CDK7: variants seen among roughly 807,000 people sequenced by gnomAD.
CDK7 encodes cyclin-dependent kinase 7.
CDK7 carries 25 observed loss-of-function variants against 49.1 expected under a neutral mutation model. That is an observed-to-expected ratio of 0.51 (90% CI 0.37 to 0.71). CDK7 has a LOEUF of 0.71. Among genes scored for constraint, CDK7 ranks in the 30% least tolerant of loss-of-function variants. The pLI, the probability that CDK7 is intolerant of heterozygous loss-of-function variation, is 0.00. For synonymous variants in CDK7, 107 were observed against 140.0 expected (o/e 0.76, Z 1.67); for missense variants, 316 against 411.7 (o/e 0.77, Z 2.01).
chr5:69,259,482 ATATT>A (rs1322445235), intron 6 of CDK7, among the ~76,000 whole-genome samples: 1 of 152,158 alleles, frequency 6.6e-6, no homozygotes. Context: ...ATGAAAGTTC[ATATT>A]TATTATTAAT....
intron 8 of CDK7, among the ~76,000 whole-genome samples, chr5:69,266,509 G>A (rs1416535496): frequency 6.6e-6 from 1 of 152,270 alleles, no homozygotes; most frequent in Non-Finnish European, 1.5e-5. Flanking sequence ...AAACCCACAA[G>A]GCAGAGGTTG....
At chr5:69,248,644 TC>T (rs1749915123) in intron 2 of CDK7, among the ~76,000 whole-genome samples, 1 of 152,100 alleles carries the variant, frequency 6.6e-6, no homozygotes, top group Admixed American at 6.6e-5. Flanking sequence ...CTCCTCGGCC[TC>T]CCAAAGTGCT....
At chr5:69,243,048 A>G (rs1426404808) in intron 2 of CDK7, among the ~76,000 whole-genome samples, 2 of 150,454 alleles carry the variant, frequency 1.3e-5, no homozygotes, top group Non-Finnish European at 3.0e-5. Context: ...CTGTGTCTCA[A>G]AAAAAAAGCA....
At chr5:69,273,147 A>G in intron 10 of CDK7, 106 bp downstream of exon 10, 1 of 801,768 alleles carries the variant, frequency 1.2e-6, no homozygotes, top group Non-Finnish European at 1.9e-6. Flanking sequence ...AATACTGGAA[A>G]GATGTGTTTT....
At chr5:69,255,329 C>T in intron 4 of CDK7, 131 bp from the exon 5 acceptor site, 2 of 541,072 alleles carry the variant, frequency 3.7e-6, no homozygotes, top group South Asian at 3.2e-5. Flanking sequence ...CAAATTTAAT[C>T]AAATGATTTA....
intron 5 of CDK7, chr5:69,255,870 C>T (rs1750454674): frequency 1.2e-5 from 3 of 250,830 alleles, no homozygotes; most frequent in Non-Finnish European, 2.4e-5. Context: ...TTCACCCAGC[C>T]TGGAGTGCAA....
intron 7 of CDK7, among the ~76,000 whole-genome samples, chr5:69,261,144 G>A (rs938789813): frequency 6.6e-6 from 1 of 152,048 alleles, no homozygotes; most frequent in Non-Finnish European, 1.5e-5. Context: ...AAATTATTTT[G>A]CCACCTTCTT....
At chr5:69,235,677 T>C (rs2972387) in intron 2 of CDK7, among the ~76,000 whole-genome samples, 91,598 of 152,088 alleles carry the variant, frequency 0.6, 28,109 homozygotes, top group African/African-American at 0.72. Flanking sequence ...ATGTTATTTT[T>C]ACTGCATAAA....
In CDK7 at chr5:69,252,455, A is replaced by G. The variant is rs770990072; in HGVS notation, c.160+4A>G. The G allele has an allele frequency of 2.7e-6, 4 of 1,455,976 alleles. No individual in the cohort carries two copies. The African/African-American group carries it at 4.4e-5, about 16-fold the overall frequency. The allele number at this position is 1,455,976 out of a possible 1,614,324, so 90.2% of individuals were successfully genotyped here. On this transcript the variant is annotated splice_donor_region_variant and intron_variant, in intron 3 of 11. Transcript: ENST00000256443. ...CATAGATCAGAAGCTAAAGATGGTA[A>G]GTATTTCATGTAATCTGACAGATAG... is the stretch of plus-strand genomic sequence containing the variant.
At chr5:69,268,264 T>A (rs1751291872) in intron 8 of CDK7, among the ~76,000 whole-genome samples, 1 of 152,172 alleles carries the variant, frequency 6.6e-6, no homozygotes, top group Admixed American at 6.6e-5. Flanking sequence ...CACCGAATTG[T>A]AAATGCTTGT....
chr5:69,261,061 T>C (rs548782429), intron 7 of CDK7, among the ~76,000 whole-genome samples: 39 of 152,208 alleles, frequency 2.6e-4, no homozygotes, highest in African/African-American at 8.9e-4. Context: ...CAAGCGATCC[T>C]CCCACCTCAG....
intron 2 of CDK7, among the ~76,000 whole-genome samples, chr5:69,239,168 C>T (rs974735104): frequency 2.0e-5 from 3 of 152,080 alleles, no homozygotes; most frequent in Admixed American, 6.6e-5. Flanking sequence ...ATCAGCTTTA[C>T]CAGATATGGT....
chr5:69,248,836 T>C (rs75624209), intron 2 of CDK7, among the ~76,000 whole-genome samples: 4,340 of 144,896 alleles, frequency 0.03, 287 homozygotes, highest in African/African-American at 0.11. Flanking sequence ...GGAGTCTTGT[T>C]TTTCTTGCCC....
chr5:69,252,396 G>A (rs1750198999), intron 2 of CDK7, 22 bp from the exon 3 acceptor site: 1 of 1,437,018 alleles, frequency 7.0e-7, no homozygotes, highest in Admixed American at 2.0e-5. Flanking sequence ...AATATATTTG[G>A]GTTTTTTTCC....
chr5:69,264,840 C>T (rs992713097), intron 8 of CDK7, among the ~76,000 whole-genome samples: 2 of 152,024 alleles, frequency 1.3e-5, no homozygotes, highest in Admixed American at 1.3e-4. Context: ...TTTGGTGGCA[C>T]ATGCCTGTAA....
At chr5:69,249,072 C>G (rs2150196694) in intron 2 of CDK7, among the ~76,000 whole-genome samples, 1 of 152,034 alleles carries the variant, frequency 6.6e-6, no homozygotes, top group African/African-American at 2.4e-5. Context: ...TTGCCTCTCT[C>G]TCTCTACCTC....
chr5:69,262,145 G>A (rs915469333), intron 7 of CDK7, 60 bp from the exon 8 acceptor site: 23 of 1,607,060 alleles, frequency 1.4e-5, no homozygotes, highest in Non-Finnish European at 1.8e-5. Context: ...TTCATCCCTA[G>A]AGATAGAAGT....
At position 69,277,330 on chromosome 5, in the gene CDK7, A is replaced by C; in HGVS notation, c.*195A>C. ...ATTTAATTCTGGTTTTTCTGATTAG[A>C]GTGCAAAAGTGAGAAAAGTTCAATA... On this transcript the variant is annotated 3_prime_UTR_variant, in exon 12 of 12. Transcript: ENST00000256443. The C allele has an allele frequency of 2.3e-6, 1 of 432,056 alleles. No individual in the cohort carries two copies. The highest frequency in any genetic ancestry group is 7.8e-5 in the South Asian group (1 of 12,890). The allele number at this position is 432,056 out of a possible 1,614,324, so 26.8% of individuals were successfully genotyped here. A position where few individuals can be genotyped will look rare whatever the true frequency, so the allele number is the denominator to read the frequency against.
chr5:69,234,938 TCGCC>T lies in CDK7; in HGVS notation c.-36_-33del. On this transcript the variant is annotated 5_prime_UTR_variant, in exon 1 of 12. Transcript: ENST00000256443. ...TTTAAATTCGTGTTGTCCTGGGAGC[TCGCC>T]CTTTTCGGCTGGAGTCGGGCTTTAC... 1 of 1,565,204 alleles carries T rather than the reference TCGCC, an allele frequency of 6.4e-7. No individual in the cohort carries two copies. Among genetic ancestry groups the T allele is most frequent in the Non-Finnish European group, 8.7e-7 (1 of 1,152,868 alleles).
Sources: allele counts gnomAD v4.1 joint callset (sites outside exome capture counted in the v4.1 genomes callset), GRCh38; gene constraint gnomAD v4.1.1; transcripts MANE v1.5; gene names NCBI Gene and HGNC (gene_info 2026-07-23, HGNC 2026-07-21).